Variants in EIF4EBP1 observed in about 807,000 individuals in gnomAD.
EIF4EBP1 encodes eukaryotic translation initiation factor 4E binding protein 1.
Under a neutral mutation model 9.2 loss-of-function variants are expected in EIF4EBP1, and 5 were observed. The observed-to-expected ratio is 0.54, with a 90% CI of 0.28 to 1.14. EIF4EBP1 has a LOEUF of 1.14. Ranked by LOEUF, EIF4EBP1 falls within the 50% of genes most tolerant of loss-of-function variation. The pLI is 0.09. For synonymous variants in EIF4EBP1, 62 were observed against 67.0 expected (o/e 0.93, Z 0.36); for missense variants, 139 against 169.6 (o/e 0.82, Z 1.00).
At chr8:38,051,321 G>T (rs925540277) in intron 1 of EIF4EBP1, among the ~76,000 whole-genome samples, 1 of 152,154 alleles carries the variant, frequency 6.6e-6, no homozygotes, top group Non-Finnish European at 1.5e-5. Flanking sequence ...TTTACCTGTT[G>T]TGATTTGGGG....
At chr8:38,038,572 G>A (rs1280686202) in intron 1 of EIF4EBP1, among the ~76,000 whole-genome samples, 1 of 149,976 alleles carries the variant, frequency 6.7e-6, no homozygotes, top group Non-Finnish European at 1.5e-5. Context: ...GCATGATATC[G>A]GCTCACTGCA....
chr8:38,054,592 C>G (rs1356045907), intron 1 of EIF4EBP1, among the ~76,000 whole-genome samples: 1 of 152,222 alleles, frequency 6.6e-6, no homozygotes, highest in African/African-American at 2.4e-5. Context: ...TGAGTCCCCA[C>G]CCCGCTGCCT....
chr8:38,035,511 C>T (rs1376689608), intron 1 of EIF4EBP1, among the ~76,000 whole-genome samples: 1 of 151,950 alleles, frequency 6.6e-6, no homozygotes, highest in Non-Finnish European at 1.5e-5. Context: ...AGCCACCACA[C>T]CCGGCCTTAT....
intron 1 of EIF4EBP1, among the ~76,000 whole-genome samples, chr8:38,039,172 G>A (rs1038501360): frequency 1.6e-4 from 25 of 152,084 alleles, no homozygotes; most frequent in African/African-American, 5.1e-4. Flanking sequence ...GATTACAGGC[G>A]TGAGCCACCA....
intron 1 of EIF4EBP1, among the ~76,000 whole-genome samples, chr8:38,033,403 G>A (rs1054150986): frequency 6.6e-6 from 1 of 151,456 alleles, no homozygotes; most frequent in African/African-American, 2.4e-5. Context: ...TGACTGATTG[G>A]TGCACATACC....
rs904234223 is a variant in EIF4EBP1 at position 38,035,989 on chromosome 8, G to A, written c.145+5271G>A. ...CCCAAAGTGCTGACATTACAGCCATGAGTCACCGCGCCCGGCCTATTTTAT... is the reference window on the plus strand; with the variant it reads ...CCCAAAGTGCTGACATTACAGCCATAAGTCACCGCGCCCGGCCTATTTTAT... On this transcript the variant is annotated intron_variant, in intron 1 of 2. Coordinates refer to ENST00000338825, the MANE Select transcript of EIF4EBP1 (RefSeq NM_004095.4). 7.3e-5 allele frequency among the ~76,000 whole-genome samples: 11 copies of A among 150,808 alleles called. No individual in the cohort carries two copies. The East Asian group carries it at 2.0e-3, about 27-fold the overall frequency.
At position 38,030,649 on chromosome 8, in the gene EIF4EBP1, G is replaced by C. The variant is rs968128057; in HGVS notation, c.76G>C (p.Gly26Arg). 2.1e-5 allele frequency: 32 copies of C among 1,509,062 alleles called. No homozygotes were observed. The highest frequency in any genetic ancestry group is 2.6e-5 in the Non-Finnish European group (29 of 1,135,702). 93.5% of individuals were successfully genotyped at this position (1,509,062 alleles called of 1,614,324 possible). Residue 26 changes from glycine to arginine, a missense_variant, in exon 1 of 3, where the codon GGC (glycine) becomes CGC (arginine). Gly to Arg is a moderately radical substitution (Grantham distance 125, BLOSUM62 -2). Coordinates refer to ENST00000338825, the MANE Select transcript of EIF4EBP1 (RefSeq NM_004095.4). ...CACTCGCCGGGTGGTGCTCGGCGAC[G>C]GCGTGCAGCTCCCGCCCGGGGACTA... Reference protein sequence around the residue: ...PATRRVVLGDGVQLPPGDYST... With the variant: ...PATRRVVLGDRVQLPPGDYST...
intron 1 of EIF4EBP1, among the ~76,000 whole-genome samples, chr8:38,050,199 A>G (rs1449959406): frequency 6.6e-6 from 1 of 152,162 alleles, no homozygotes; most frequent in Non-Finnish European, 1.5e-5. Flanking sequence ...TACGTGAACC[A>G]CTGCACCCGG....
intron 1 of EIF4EBP1, among the ~76,000 whole-genome samples, chr8:38,054,546 C>T (rs2130398697): frequency 6.6e-6 from 1 of 152,230 alleles, no homozygotes; most frequent in East Asian, 1.9e-4. Context: ...AAAAAGTGGT[C>T]CCATCTGGAG....
At chr8:38,041,540 C>G (rs1809379575) in intron 1 of EIF4EBP1, among the ~76,000 whole-genome samples, 1 of 152,214 alleles carries the variant, frequency 6.6e-6, no homozygotes, top group Non-Finnish European at 1.5e-5. Flanking sequence ...TGCTGCCTGT[C>G]CTGATGTGTG....
intron 1 of EIF4EBP1, among the ~76,000 whole-genome samples, chr8:38,052,149 C>T (rs188516655): frequency 1.3e-4 from 20 of 152,304 alleles, no homozygotes; most frequent in African/African-American, 4.6e-4. Flanking sequence ...CCTGAAGGGA[C>T]CTTGGCATCC....
chr8:38,039,225 A>G (rs980162875), intron 1 of EIF4EBP1, among the ~76,000 whole-genome samples: 2 of 151,354 alleles, frequency 1.3e-5, no homozygotes, highest in African/African-American at 4.9e-5. Flanking sequence ...GTCCAAGACA[A>G]TTCTTCTTCC....
chr8:38,059,856 A>C, intron 2 of EIF4EBP1, 48 bp from the exon 3 acceptor site: 1 of 1,562,778 alleles, frequency 6.4e-7, no homozygotes, highest in Non-Finnish European at 8.8e-7. Context: ...CTCATATACC[A>C]AGCATTCACC....
chr8:38,057,743 G>C (rs529391766), intron 2 of EIF4EBP1, among the ~76,000 whole-genome samples: 84 of 152,280 alleles, frequency 5.5e-4, no homozygotes, highest in African/African-American at 1.9e-3. Flanking sequence ...TCCCCTAGTG[G>C]ATCTTCATGA....
At chr8:38,049,070 A>G (rs1398903859) in intron 1 of EIF4EBP1, among the ~76,000 whole-genome samples, 7 of 151,268 alleles carry the variant, frequency 4.6e-5, no homozygotes, top group African/African-American at 1.2e-4. Context: ...GGTTGCAGTG[A>G]GCCGAGATTG....
intron 2 of EIF4EBP1, 64 bp downstream of exon 2, chr8:38,057,324 C>T: frequency 6.6e-7 from 1 of 1,512,828 alleles, no homozygotes; most frequent in South Asian, 1.3e-5. Flanking sequence ...TCCTGGAGTC[C>T]ATCCACTGGG....
intron 1 of EIF4EBP1, among the ~76,000 whole-genome samples, chr8:38,043,943 C>T (rs1809417082): frequency 6.6e-6 from 1 of 152,100 alleles, no homozygotes; most frequent in African/African-American, 2.4e-5. Context: ...TGATTCCTCC[C>T]TGGACTGTGT....
rs775219057 is a variant in EIF4EBP1, at chr8:38,057,103, G to A, written c.168G>A (p.Arg56=). 2.5e-6 allele frequency: 4 copies of A among 1,614,142 alleles called. No homozygotes were observed. In the East Asian group the frequency reaches 8.9e-5, roughly 36 times the overall value. Residue 56 remains arginine (R), a synonymous_variant, in exon 2 of 3, where the codon CGG becomes CGA. Coordinates refer to ENST00000338825, the MANE Select transcript of EIF4EBP1 (RefSeq NM_004095.4). ...TAGGTACCAGGATCATCTATGACCGGAAATTCCTGATGGAGTGTCGGAACT... is the reference window on the plus strand; with the variant it reads ...TAGGTACCAGGATCATCTATGACCGAAAATTCCTGATGGAGTGTCGGAACT... ...TPGGTRIIYD[R]KFLMECRNSP... is the part of the protein sequence containing the mutation.
chr8:38,041,769 T>A lies in EIF4EBP1; in HGVS notation c.145+11051T>A, dbSNP rs150584108. 2.7e-3 allele frequency among the ~76,000 whole-genome samples: 417 copies of A among 152,266 alleles called. 6 individuals carry two copies. Among genetic ancestry groups the A allele is most frequent in the African/African-American group, 9.6e-3 (399 of 41,562 alleles). ...ACTGTGGGAAGCCAAGGCAGGTGGA[T>A]TGCTTGAGGCCAGGAGTTGGAGACC... On this transcript the variant is annotated intron_variant, in intron 1 of 2. Transcript: ENST00000338825.
Sources: gnomAD v4.1 joint callset for allele counts (sites outside exome capture counted in the v4.1 genomes callset) on GRCh38, gnomAD v4.1.1 for gene constraint, MANE v1.5 for transcripts, NCBI Gene and HGNC (gene_info 2026-07-23, HGNC 2026-07-21) for gene names.